ZNF670: variants seen among roughly 807,000 people sequenced by gnomAD.
The protein encoded by ZNF670 is zinc finger protein 670.
ZNF670 carries 7 observed loss-of-function variants against 10.9 expected under a neutral mutation model. That is an observed-to-expected ratio of 0.64 (90% confidence interval 0.36 to 1.20). The LOEUF is 1.20. Among genes scored for constraint, ZNF670 ranks in the 50% most tolerant of loss-of-function variants. ZNF670 has a pLI of 0.02. For synonymous variants in ZNF670, 136 were observed against 152.7 expected (o/e 0.89, Z 0.81); for missense variants, 446 against 458.6 (o/e 0.97, Z 0.25).
intron 1 of ZNF670, among the ~76,000 whole-genome samples, chr1:247,075,082 C>T (rs893934648): frequency 6.6e-6 from 1 of 152,184 alleles, no homozygotes; most frequent in Non-Finnish European, 1.5e-5. Context: ...TAAAGGGAGG[C>T]TCCCAAGGAA....
At chr1:247,056,530 G>A (rs902488418) in intron 1 of ZNF670, among the ~76,000 whole-genome samples, 1 of 152,182 alleles carries the variant, frequency 6.6e-6, no homozygotes, top group African/African-American at 2.4e-5. Context: ...GCAATACTAA[G>A]AGGGAAGTTT....
Position 247,053,645 on chromosome 1 carries a change from AAAAC to A in ZNF670, c.4-14112_4-14109del, listed in dbSNP as rs994766122. ...AGCGAGACTCCGTCTCAAAAAACAAAAAACAAACAAACAAACAAAAATGGCAGGA... is the reference window on the plus strand; with the variant it reads ...AGCGAGACTCCGTCTCAAAAAACAAAAAACAAACAAACAAAAATGGCAGGA... On this transcript the variant is annotated intron_variant, in intron 1 of 3. Transcript: ENST00000366503. Among the ~76,000 whole-genome samples the A allele has an allele frequency of 9.9e-5, 15 of 151,826 alleles. No individual in the cohort carries two copies. In the South Asian group the frequency reaches 1.2e-3, roughly 13 times the overall value.
rs1242479819 is a variant in ZNF670 at position 247,057,931 on chromosome 1, CA to C, written c.4-18395del. 3.3e-5 allele frequency among the ~76,000 whole-genome samples: 5 copies of C among 152,140 alleles called. No homozygotes were observed. The East Asian group carries it at 9.7e-4, about 29-fold the overall frequency. On this transcript the variant is annotated intron_variant, in intron 1 of 3. Transcript: ENST00000366503. Reference sequence around the variant, plus strand: ...TAAACAAGACCTTGTATTTTGCTAGCAAAACAGGATGATTACAGTCAAATAT... The same window carrying C: ...TAAACAAGACCTTGTATTTTGCTAGCAAACAGGATGATTACAGTCAAATAT...
intron 1 of ZNF670, among the ~76,000 whole-genome samples, chr1:247,041,549 A>G (rs531084291): frequency 3.3e-4 from 51 of 152,364 alleles, no homozygotes; most frequent in African/African-American, 1.1e-3. Flanking sequence ...CAAACGGGTT[A>G]CTCACGAAGG....
chr1:247,041,383 GA>G (rs1431275129), intron 1 of ZNF670, among the ~76,000 whole-genome samples: 4 of 152,126 alleles, frequency 2.6e-5, no homozygotes, highest in African/African-American at 4.8e-5. Flanking sequence ...TTAAAAGTGA[GA>G]AAATAAGCAA....
At chr1:247,053,355 C>T (rs983809955) in intron 1 of ZNF670, among the ~76,000 whole-genome samples, 8 of 152,088 alleles carry the variant, frequency 5.3e-5, no homozygotes, top group African/African-American at 1.2e-4. Context: ...AAGTTCAGGC[C>T]GGCGCGGTGG....
intron 1 of ZNF670, chr1:247,043,634 T>G: frequency 1.8e-6 from 1 of 549,282 alleles, no homozygotes; most frequent in Non-Finnish European, 3.6e-6. Flanking sequence ...AAAATCAAAA[T>G]GTGGATCCTG....
Position 247,036,989 on chromosome 1 carries a change from T to C in ZNF670, c.*460A>G, listed in dbSNP as rs1670170700. ...AAAATTGCCTACTATTAGAAATACA[T>C]TTCAACTTAGTCTAGGGATCCAACA... On this transcript the variant is annotated 3_prime_UTR_variant, in exon 4 of 4. Coordinates refer to ENST00000366503, the MANE Select transcript of ZNF670 (RefSeq NM_033213.5). 1 of 155,212 alleles carries C rather than the reference T, an allele frequency of 6.4e-6. No individual in the cohort carries two copies. Among genetic ancestry groups the C allele is most frequent in the Non-Finnish European group, 1.4e-5 (1 of 70,130 alleles). 9.6% of individuals were successfully genotyped at this position (155,212 alleles called of 1,614,324 possible).
At chr1:247,062,005 A>G (rs1670870030) in intron 1 of ZNF670, among the ~76,000 whole-genome samples, 1 of 152,208 alleles carries the variant, frequency 6.6e-6, no homozygotes, top group Non-Finnish European at 1.5e-5. Context: ...TTTCCACAAT[A>G]ATAAACTGTG....
chr1:247,075,791 C>T (rs1028191733), intron 1 of ZNF670, among the ~76,000 whole-genome samples: 2 of 152,140 alleles, frequency 1.3e-5, no homozygotes, highest in Admixed American at 1.3e-4. Context: ...ATGTCTTTAT[C>T]AGCAGCATGA....
In ZNF670 at chr1:247,036,180, C is replaced by T. The variant is rs146779129; in HGVS notation, c.*1269G>A. Among the ~76,000 whole-genome samples the T allele has an allele frequency of 2.0e-3, 303 of 152,248 alleles. No homozygotes were observed. The highest frequency in any genetic ancestry group is 3.6e-3 in the Admixed American group (55 of 15,296). ...TCAATAGATGCAGAAAAAAACATGT[C>T]ATAAGAGTTCAACACTCCTTTACCA... is the stretch of plus-strand genomic sequence containing the variant. On this transcript the variant is annotated 3_prime_UTR_variant, in exon 4 of 4. Transcript: ENST00000366503.
chr1:247,063,320 T>C (rs1315564012), intron 1 of ZNF670, among the ~76,000 whole-genome samples: 1 of 152,132 alleles, frequency 6.6e-6, no homozygotes, highest in African/African-American at 2.4e-5. Flanking sequence ...ACGCCTGTAA[T>C]CCCAGCACTT....
At chr1:247,046,714 G>C (rs915274286) in intron 1 of ZNF670, among the ~76,000 whole-genome samples, 1 of 152,124 alleles carries the variant, frequency 6.6e-6, no homozygotes, top group Non-Finnish European at 1.5e-5. Flanking sequence ...CTGCCTAGCG[G>C]AGCTGTGGAA....
rs899205674 is a variant in ZNF670, at chr1:247,078,766, C to G, written c.-170G>C. The stretch of plus-strand genomic sequence containing the variant: ...CGCGCTGCCCAACACAAAAGCCGCG[C>G]CAGGTCCCGGAAGCTGCTCCCTCCT... On this transcript the variant is annotated 5_prime_UTR_variant, in exon 1 of 4. Coordinates refer to ENST00000366503, the MANE Select transcript of ZNF670 (RefSeq NM_033213.5). 1.5e-6 allele frequency: 1 copy of G among 686,714 alleles called. No individual in the cohort carries two copies. Among genetic ancestry groups the G allele is most frequent in the Non-Finnish European group, 2.4e-6 (1 of 411,718 alleles). The allele number at this position is 686,714 out of a possible 1,614,324, so 42.5% of individuals were successfully genotyped here. A position where few individuals can be genotyped will look rare whatever the true frequency, so the allele number is the denominator to read the frequency against.
chr1:247,063,733 G>C (rs914733830), intron 1 of ZNF670, among the ~76,000 whole-genome samples: 58 of 152,216 alleles, frequency 3.8e-4, no homozygotes, highest in South Asian at 1.0e-3. Context: ...TGGGGAGAAA[G>C]GAGAACCAGT....
intron 1 of ZNF670, among the ~76,000 whole-genome samples, chr1:247,044,356 G>A (rs1275126915): frequency 6.6e-6 from 1 of 152,188 alleles, no homozygotes; most frequent in East Asian, 1.9e-4. Flanking sequence ...CACTGCTGGT[G>A]GGAATGTAAA....
At chr1:247,043,774 G>T in intron 1 of ZNF670, 1 of 371,564 alleles carries the variant, frequency 2.7e-6, no homozygotes, top group South Asian at 2.2e-5. Context: ...TGTGCCTACT[G>T]ATTTGCAGAA....
chr1:247,069,068 T>C (rs2172973), intron 1 of ZNF670, among the ~76,000 whole-genome samples: 1 of 141,422 alleles, frequency 7.1e-6, no homozygotes, highest in Non-Finnish European at 1.5e-5. Flanking sequence ...TGGAGACAGT[T>C]AATGGCTGAC....
At chr1:247,050,590 C>G (rs920534929) in intron 1 of ZNF670, among the ~76,000 whole-genome samples, 1 of 152,016 alleles carries the variant, frequency 6.6e-6, no homozygotes, top group Non-Finnish European at 1.5e-5. Context: ...ATCCTCCTGC[C>G]TCAGCCACCC....
Sources: gnomAD v4.1 joint callset for allele counts (sites outside exome capture counted in the v4.1 genomes callset) on GRCh38, gnomAD v4.1.1 for gene constraint, MANE v1.5 for transcripts, NCBI Gene and HGNC (gene_info 2026-07-23, HGNC 2026-07-21) for gene names.